ENOX1: variants seen among roughly 807,000 people sequenced by gnomAD.
ENOX1 encodes the protein candidate growth-related and time keeping constitutive hydroquinone (NADH) oxidase.
Under a neutral mutation model 82.5 loss-of-function variants are expected in ENOX1, and 42 were observed. That is an observed-to-expected ratio of 0.51 (90% CI 0.40 to 0.66). ENOX1 has a LOEUF of 0.66. ENOX1 is among the 30% of genes least tolerant of loss of function. ENOX1 has a pLI of 0.00. For missense variants in ENOX1, 608 were observed against 811.6 expected (o/e 0.75, Z 3.05); for synonymous variants, 271 against 282.2 (o/e 0.96, Z 0.40).
At chr13:43,445,272 C>T (rs187834576) in intron 3 of ENOX1, among the ~76,000 whole-genome samples, 2,339 of 151,250 alleles carry the variant, frequency 0.015, 24 homozygotes, top group Non-Finnish European at 0.023. Context: ...TACAGGCACC[C>T]ACCACCACGC....
chr13:43,317,541 T>C (rs1269941139), intron 11 of ENOX1, among the ~76,000 whole-genome samples: 3 of 150,034 alleles, frequency 2.0e-5, no homozygotes, highest in African/African-American at 7.6e-5. Flanking sequence ...CCTATTATTA[T>C]TATTTTTATT....
intron 14 of ENOX1, among the ~76,000 whole-genome samples, chr13:43,240,577 A>C (rs1034113218): frequency 1.3e-5 from 2 of 152,224 alleles, no homozygotes; most frequent in African/African-American, 4.8e-5. Context: ...CTAAAAAAAA[A>C]AATCTGGTGA....
At chr13:43,307,672 C>T (rs34622982) in intron 11 of ENOX1, among the ~76,000 whole-genome samples, 17,490 of 152,280 alleles carry the variant, frequency 0.11, 1,412 homozygotes, top group Middle Eastern at 0.18. Flanking sequence ...ATTAACCTAT[C>T]GGCCTGCTCC....
chr13:43,252,847 C>A (rs1044089780), intron 14 of ENOX1, among the ~76,000 whole-genome samples: 2 of 152,134 alleles, frequency 1.3e-5, no homozygotes, highest in African/African-American at 2.4e-5. Context: ...GAACTCACAA[C>A]TGGGGATAGT....
intron 3 of ENOX1, among the ~76,000 whole-genome samples, chr13:43,446,869 T>C (rs2056678144): frequency 6.6e-6 from 1 of 152,230 alleles, no homozygotes; most frequent in Non-Finnish European, 1.5e-5. Context: ...AATGATAGTC[T>C]CTGGTCAGTC....
At chr13:43,277,067 C>T (rs1301540037) in intron 12 of ENOX1, among the ~76,000 whole-genome samples, 1 of 152,124 alleles carries the variant, frequency 6.6e-6, no homozygotes. Context: ...GGAGAGAACT[C>T]CACCATTCAG....
chr13:43,403,586 T>C (rs1033783738), intron 5 of ENOX1, among the ~76,000 whole-genome samples: 1 of 152,190 alleles, frequency 6.6e-6, no homozygotes, highest in East Asian at 1.9e-4. Context: ...CTCACACCTG[T>C]AATCCTACCA....
At chr13:43,627,930 G>T (rs56936505) in intron 2 of ENOX1, among the ~76,000 whole-genome samples, 4,904 of 152,032 alleles carry the variant, frequency 0.032, 253 homozygotes, top group African/African-American at 0.11. Flanking sequence ...GAAAAATATT[G>T]TGCCACTTTA....
At chr13:43,348,503 A>G (rs914335525) in intron 8 of ENOX1, among the ~76,000 whole-genome samples, 1 of 152,250 alleles carries the variant, frequency 6.6e-6, no homozygotes, top group African/African-American at 2.4e-5. Context: ...ACTGTGGTCA[A>G]CTGCAGACCG....
intron 2 of ENOX1, among the ~76,000 whole-genome samples, chr13:43,490,264 G>A (rs1483487479): frequency 6.6e-6 from 1 of 152,138 alleles, no homozygotes; most frequent in African/African-American, 2.4e-5. Flanking sequence ...TAATATTTTA[G>A]AAGCGCATAA....
intron 1 of ENOX1, among the ~76,000 whole-genome samples, chr13:43,705,885 T>C (rs891179114): frequency 6.6e-6 from 1 of 152,036 alleles, no homozygotes; most frequent in Non-Finnish European, 1.5e-5. Flanking sequence ...GTCCAGTACA[T>C]TGAAAAATAT....
At chr13:43,591,427 A>G (rs1208542128) in intron 2 of ENOX1, among the ~76,000 whole-genome samples, 1 of 152,230 alleles carries the variant, frequency 6.6e-6, no homozygotes, top group African/African-American at 2.4e-5. Context: ...CACATAAAAC[A>G]ATATATTGTC....
intron 12 of ENOX1, among the ~76,000 whole-genome samples, chr13:43,287,320 C>T (rs908198536): frequency 6.6e-6 from 1 of 152,184 alleles, no homozygotes; most frequent in African/African-American, 2.4e-5. Flanking sequence ...GAGCCTGAGT[C>T]TTCTTTTAAG....
intron 8 of ENOX1, among the ~76,000 whole-genome samples, chr13:43,352,957 A>AT (rs1192837932): frequency 6.6e-6 from 1 of 152,178 alleles, no homozygotes; most frequent in Non-Finnish European, 1.5e-5. Context: ...ACGCAAGGTG[A>AT]TTTGTTATTG....
chr13:43,729,431 A>G (rs1252302534), intron 1 of ENOX1, among the ~76,000 whole-genome samples: 1 of 147,550 alleles, frequency 6.8e-6, no homozygotes, highest in Non-Finnish European at 1.5e-5. Context: ...GGAAACACTT[A>G]ATTCATATAC....
intron 13 of ENOX1, among the ~76,000 whole-genome samples, chr13:43,267,152 CTCCAGGACAGCTGCT>C (rs954259978): frequency 6.6e-6 from 1 of 152,178 alleles, no homozygotes; most frequent in African/African-American, 2.4e-5. Flanking sequence ...CGAGCTGCAG[CTCCAGGACAGCTGCT>C]GCTTTGTTCT....
intron 1 of ENOX1, among the ~76,000 whole-genome samples, chr13:43,678,183 A>G (rs1156632066): frequency 6.6e-6 from 1 of 152,218 alleles, no homozygotes; most frequent in Non-Finnish European, 1.5e-5. Context: ...GCAATTTAAC[A>G]TCAATATGAA....
intron 5 of ENOX1, among the ~76,000 whole-genome samples, chr13:43,363,796 T>G (rs1310272086): frequency 6.6e-6 from 1 of 152,212 alleles, no homozygotes; most frequent in African/African-American, 2.4e-5. Flanking sequence ...GTTAACAGAC[T>G]TCTGTTTTCT....
At chr13:43,321,702 G>A (rs767684723) in intron 11 of ENOX1, among the ~76,000 whole-genome samples, 2 of 152,100 alleles carry the variant, frequency 1.3e-5, no homozygotes, top group Non-Finnish European at 2.9e-5. Flanking sequence ...TAGGTCCTTC[G>A]GACAACACCC....
Sources: gnomAD v4.1 joint callset for allele counts (sites outside exome capture counted in the v4.1 genomes callset) on GRCh38, gnomAD v4.1.1 for gene constraint, MANE v1.5 for transcripts, NCBI Gene and HGNC (gene_info 2026-07-23, HGNC 2026-07-21) for gene names.